TCF20: variants seen among roughly 807,000 people sequenced by gnomAD.
TCF20 encodes SPRE-binding protein.
TCF20 carries 3 observed loss-of-function variants against 148.6 expected under a neutral mutation model. The ratio of observed to expected loss-of-function variants is 0.02; its 90% CI spans 0.01 to 0.05. TCF20 has a LOEUF of 0.05. Among genes scored for constraint, TCF20 ranks in the 10% least tolerant of loss-of-function variants. The probability of loss-of-function intolerance (pLI) is 1.00; values close to 1 mark genes in which losing one functional copy is unlikely to be tolerated. For synonymous variants in TCF20, 1,049 were observed against 909.5 expected (o/e 1.15, Z -2.76); for missense variants, 2,350 against 2,429.3 (o/e 0.97, Z 0.69).
At chr22:42,257,082 T>C (rs1925784860) in intron 1 of TCF20, among the ~76,000 whole-genome samples, 1 of 152,066 alleles carries the variant, frequency 6.6e-6, no homozygotes, top group South Asian at 2.1e-4. Flanking sequence ...ATCATTTGAG[T>C]CCAGGAACTC....
At chr22:42,208,682 A>G (rs1043402659) in intron 2 of TCF20, among the ~76,000 whole-genome samples, 2 of 152,232 alleles carry the variant, frequency 1.3e-5, no homozygotes, top group African/African-American at 2.4e-5. Context: ...ATCAGAACAA[A>G]AAGATAATGA....
chr22:42,325,139 G>A (rs946241407), intron 1 of TCF20, among the ~76,000 whole-genome samples: 3 of 152,240 alleles, frequency 2.0e-5, no homozygotes, highest in Admixed American at 2.0e-4. Flanking sequence ...AGGCTTCTGG[G>A]CCAGCGCCCC....
intron 1 of TCF20, among the ~76,000 whole-genome samples, chr22:42,241,985 G>T (rs1490611168): frequency 6.6e-6 from 1 of 151,980 alleles, no homozygotes; most frequent in African/African-American, 2.4e-5. Context: ...GGCAGATCAG[G>T]AAGTCAGGAG....
chr22:42,302,368 G>A (rs866936709), intron 1 of TCF20, among the ~76,000 whole-genome samples: 12 of 152,212 alleles, frequency 7.9e-5, no homozygotes, highest in Middle Eastern at 3.2e-3. Flanking sequence ...GCCATGGACA[G>A]CAAAGGGCGG....
At position 42,292,192 on chromosome 22, in the gene TCF20, G is replaced by C. The variant is rs370055786; in HGVS notation, c.-37+51287C>G. 1.8e-3 allele frequency among the ~76,000 whole-genome samples: 275 copies of C among 152,320 alleles called. 1 individual carries two copies. Among genetic ancestry groups the C allele is most frequent in the African/African-American group, 6.3e-3 (263 of 41,560 alleles). ...CTCTGCCCATAGTCTCACAGGGTATGGACGAGGGTCAGCACCCCCATTTTG... is the reference window on the plus strand; with the variant it reads ...CTCTGCCCATAGTCTCACAGGGTATCGACGAGGGTCAGCACCCCCATTTTG... On this transcript the variant is annotated intron_variant, in intron 1 of 1. Transcript: ENST00000515426. This position sits in a 1 kb window ranked among gnomAD's most constrained non-coding sequence, Gnocchi z 4.9.
chr22:42,282,805 C>T (rs1475636817), intron 1 of TCF20, among the ~76,000 whole-genome samples: 1 of 152,194 alleles, frequency 6.6e-6, no homozygotes, highest in East Asian at 1.9e-4. Context: ...GGGCCGGCTC[C>T]TCCTGCCTCG....
chr22:42,266,774 G>A (rs970109413), intron 1 of TCF20, among the ~76,000 whole-genome samples: 12 of 151,782 alleles, frequency 7.9e-5, no homozygotes, highest in East Asian at 2.0e-4. Flanking sequence ...GCGAGACTCC[G>A]TCTCAAAACA....
chr22:42,195,731 C>A (rs1937572307), intron 2 of TCF20, among the ~76,000 whole-genome samples: 3 of 152,046 alleles, frequency 2.0e-5, no homozygotes, highest in African/African-American at 7.2e-5. Flanking sequence ...AACTCCTGAC[C>A]TCAGGTGGTC....
Position 42,230,175 on chromosome 22 carries a change from C to A in TCF20, c.-36-14834G>T, listed in dbSNP as rs921157283. On this transcript the variant is annotated intron_variant, in intron 1 of 5. Coordinates refer to ENST00000677622, the MANE Select transcript of TCF20 (RefSeq NM_001378418.1). ...AAACACCTTAAAGTTGAAGCAACAG[C>A]AATAAAAATAGTCACGTGCTACATA... Among the ~76,000 whole-genome samples, 4 of 152,184 alleles carry A rather than the reference C, an allele frequency of 2.6e-5. No homozygotes were observed. The South Asian group carries it at 8.3e-4, about 32-fold the overall frequency.
intron 1 of TCF20, among the ~76,000 whole-genome samples, chr22:42,231,663 C>T (rs1047578578): frequency 6.6e-6 from 1 of 152,036 alleles, no homozygotes; most frequent in Non-Finnish European, 1.5e-5. Context: ...GGACTGGTGG[C>T]TCATGCCTGT....
At chr22:42,272,564 A>G (rs1926664812), upstream of TCF20, among the ~76,000 whole-genome samples, 2 of 152,172 alleles carry the variant, frequency 1.3e-5, no homozygotes, top group Admixed American at 1.3e-4. Flanking sequence ...GCAGACAGAT[A>G]ACTGGAGTCC....
chr22:42,181,715 C>T (rs1936784544), intron 2 of TCF20, among the ~76,000 whole-genome samples: 1 of 151,598 alleles, frequency 6.6e-6, no homozygotes. Context: ...TCAGGTGATT[C>T]TCCTGACCTC....
chr22:42,178,795 G>A (rs1936597710), intron 3 of TCF20, among the ~76,000 whole-genome samples: 1 of 151,372 alleles, frequency 6.6e-6, no homozygotes, highest in African/African-American at 2.4e-5. Context: ...AGCCAGGCTG[G>A]TCTTGAACTC....
At chr22:42,171,019 G>A (rs910731209) in intron 3 of TCF20, among the ~76,000 whole-genome samples, 1 of 152,124 alleles carries the variant, frequency 6.6e-6, no homozygotes, top group Non-Finnish European at 1.5e-5. Context: ...AAAATCCCAT[G>A]AGGATGCTTT....
At chr22:42,179,916 A>G (rs566156840) in intron 2 of TCF20, among the ~76,000 whole-genome samples, 3 of 152,256 alleles carry the variant, frequency 2.0e-5, no homozygotes, top group African/African-American at 7.2e-5. Flanking sequence ...AGCCTCACAA[A>G]TGTTCTCAAA....
intron 2 of TCF20, among the ~76,000 whole-genome samples, chr22:42,183,321 CTT>C (rs1037319358): frequency 7.2e-5 from 11 of 152,112 alleles, no homozygotes; most frequent in African/African-American, 4.8e-5. Flanking sequence ...ACAAAATCAA[CTT>C]TGTGGATGAG....
intron 1 of TCF20, among the ~76,000 whole-genome samples, chr22:42,301,696 A>G (rs933239313): frequency 1.3e-5 from 2 of 152,190 alleles, no homozygotes; most frequent in African/African-American, 2.4e-5. Flanking sequence ...GGTGGGAAGC[A>G]ATGTTTGCAG....
At chr22:42,272,111 A>C (rs1926643291), upstream of TCF20, among the ~76,000 whole-genome samples, 3 of 152,166 alleles carry the variant, frequency 2.0e-5, no homozygotes, top group Non-Finnish European at 4.4e-5. Context: ...TGGGGACTTG[A>C]TTCCCCAACA....
At chr22:42,269,737 C>G (rs1195161241) in intron 1 of TCF20, 2 of 152,996 alleles carry the variant, frequency 1.3e-5, no homozygotes, top group East Asian at 3.8e-4. Context: ...CCCAACCCGC[C>G]GGTACCTGCC....
Sources: gnomAD v4.1 joint callset for allele counts (sites outside exome capture counted in the v4.1 genomes callset) on GRCh38, gnomAD v4.1.1 for gene constraint, Gnocchi (gnomAD v3.1) non-coding constraint, MANE v1.5 for transcripts, NCBI Gene and HGNC (gene_info 2026-07-23, HGNC 2026-07-21) for gene names.